Variants in BLTP3A observed in about 807,000 individuals in gnomAD.
The protein encoded by BLTP3A is ICBP90 binding protein 1.
chr6:34,862,947 C>T, the BLTP3A span, among the ~76,000 whole-genome samples: 3 of 151,196 alleles, frequency 2.0e-5, no homozygotes, highest in African/African-American at 7.3e-5. Flanking sequence ...CTCACTCTGT[C>T]GCCCAGGCTG....
the BLTP3A span, among the ~76,000 whole-genome samples, chr6:34,811,665 C>T: frequency 1.4e-5 from 2 of 138,084 alleles, no homozygotes; most frequent in African/African-American, 5.9e-5. Context: ...GCCTGGCTAA[C>T]ATGGTGAGAC....
the BLTP3A span, among the ~76,000 whole-genome samples, chr6:34,798,590 C>CTTTT: frequency 6.4e-5 from 4 of 62,422 alleles, no homozygotes; most frequent in South Asian, 1.2e-3. Flanking sequence ...AATTTTCTTT[C>CTTTT]TTTCTTTTTT....
At chr6:34,803,602 G>A in the BLTP3A span, among the ~76,000 whole-genome samples, 1 of 152,180 alleles carries the variant, frequency 6.6e-6, no homozygotes, top group Non-Finnish European at 1.5e-5. Flanking sequence ...ATCTAATTCA[G>A]AATATGTCCT....
the BLTP3A span, among the ~76,000 whole-genome samples, chr6:34,868,176 G>A: frequency 6.6e-6 from 1 of 151,834 alleles, no homozygotes; most frequent in Non-Finnish European, 1.5e-5. Context: ...CGTGGTGGCG[G>A]GTGCCTGTAA....
At chr6:34,864,120 T>C in the BLTP3A span, 2 of 1,614,078 alleles carry the variant, frequency 1.2e-6, no homozygotes, top group Non-Finnish European at 1.7e-6. Context: ...TGGTGTCTCA[T>C]TGGATAGCAG....
the BLTP3A span, among the ~76,000 whole-genome samples, chr6:34,796,740 C>T: frequency 2.0e-5 from 3 of 152,364 alleles, no homozygotes; most frequent in Middle Eastern, 6.8e-3. Context: ...TGCCACTAAT[C>T]AGCAGGGCAG....
At chr6:34,861,743 A>T in the BLTP3A span, among the ~76,000 whole-genome samples, 1 of 152,196 alleles carries the variant, frequency 6.6e-6, no homozygotes, top group Non-Finnish European at 1.5e-5. Context: ...ATATGAATAT[A>T]TGATTTTTAT....
the BLTP3A span, among the ~76,000 whole-genome samples, chr6:34,822,895 T>C: frequency 6.6e-6 from 1 of 151,574 alleles, no homozygotes; most frequent in Non-Finnish European, 1.5e-5. Context: ...TGTTGGATGA[T>C]TATCGGTTGA....
At chr6:34,806,995 A>T in the BLTP3A span, among the ~76,000 whole-genome samples, 7 of 152,334 alleles carry the variant, frequency 4.6e-5, no homozygotes, top group South Asian at 4.1e-4. Context: ...AATAACAAGC[A>T]ATGCCTGTTA....
the BLTP3A span, among the ~76,000 whole-genome samples, chr6:34,863,446 A>AT: frequency 1.4e-3 from 213 of 152,208 alleles, no homozygotes; most frequent in Non-Finnish European, 1.4e-3. Flanking sequence ...TGCCTATAGA[A>AT]TACCCTCTTC....
At chr6:34,851,572 G>T in the BLTP3A span, among the ~76,000 whole-genome samples, 4 of 152,206 alleles carry the variant, frequency 2.6e-5, no homozygotes, top group African/African-American at 9.6e-5. Context: ...TTCTGGGTTA[G>T]ATGTGAAGCC....
At chr6:34,801,369 G>A in the BLTP3A span, among the ~76,000 whole-genome samples, 1 of 152,250 alleles carries the variant, frequency 6.6e-6, no homozygotes, top group East Asian at 1.9e-4. Context: ...TAAGTTCTGG[G>A]TCTTGGTTGT....
the BLTP3A span, chr6:34,871,095 G>A: frequency 1.5e-5 from 24 of 1,613,906 alleles, no homozygotes; most frequent in African/African-American, 2.7e-4. Flanking sequence ...TTGAGCTTCT[G>A]AACTCCAGCA....
At chr6:34,795,063 A>G in the BLTP3A span, among the ~76,000 whole-genome samples, 44 of 151,808 alleles carry the variant, frequency 2.9e-4, no homozygotes, top group Middle Eastern at 3.4e-3. Context: ...CTGGGATTAC[A>G]GGCGTGAGCC....
At chr6:34,836,475 A>T in the BLTP3A span, 2 of 866,148 alleles carry the variant, frequency 2.3e-6, no homozygotes, top group South Asian at 1.7e-5. Flanking sequence ...CCTTAATCAC[A>T]GGCATTCCTT....
chr6:34,803,358 A>G, the BLTP3A span, among the ~76,000 whole-genome samples: 2 of 151,890 alleles, frequency 1.3e-5, no homozygotes, highest in Admixed American at 6.6e-5. Flanking sequence ...TTTCCCTACT[A>G]TATGTCTCTT....
chr6:34,857,518 A>G, the BLTP3A span: 3,186 of 1,594,676 alleles, frequency 2.0e-3, 34 homozygotes, highest in African/African-American at 0.024. Flanking sequence ...TGCTTTTCCC[A>G]TTTGTCAGCC....
At chr6:34,851,882 A>G in the BLTP3A span, among the ~76,000 whole-genome samples, 1 of 152,076 alleles carries the variant, frequency 6.6e-6, no homozygotes, top group Admixed American at 6.6e-5. Flanking sequence ...TACAGAAGGA[A>G]TTTCTCTCCA....
At chr6:34,821,874 G>T in the BLTP3A span, 2 of 1,614,182 alleles carry the variant, frequency 1.2e-6, no homozygotes, top group Non-Finnish European at 1.7e-6. Flanking sequence ...GCTTTCTGGA[G>T]GGTCAGCTAC....
Sources: gnomAD v4.1 joint callset for allele counts (sites outside exome capture counted in the v4.1 genomes callset) on GRCh38, gnomAD v4.1.1 for gene constraint, MANE v1.5 for transcripts, NCBI Gene and HGNC (gene_info 2026-07-23, HGNC 2026-07-21) for gene names.